TRAPPC9: variants seen among roughly 807,000 people sequenced by gnomAD.
The protein encoded by TRAPPC9 is trafficking protein particle complex subunit 9.
TRAPPC9 carries 83 observed loss-of-function variants against 124.0 expected under a neutral mutation model. The ratio of observed to expected loss-of-function variants is 0.67; its 90% CI spans 0.56 to 0.80. The LOEUF (loss-of-function observed/expected upper bound fraction) is 0.80. Among genes scored for constraint, TRAPPC9 ranks in the 30% least tolerant of loss-of-function variants. TRAPPC9 has a pLI of 0.00. For missense variants in TRAPPC9, 1,302 were observed against 1,508.3 expected, an observed-to-expected ratio of 0.86 and a Z score of 2.27; for synonymous variants, 638 against 617.5, an observed-to-expected ratio of 1.03 and a Z score of -0.49.
chr8:140,338,428 C>T (rs183591381), intron 9 of TRAPPC9, among the ~76,000 whole-genome samples: 3 of 152,322 alleles, frequency 2.0e-5, no homozygotes, highest in East Asian at 3.9e-4. Flanking sequence ...TAGCGACCAG[C>T]GTCCCTTAGG....
intron 15 of TRAPPC9, among the ~76,000 whole-genome samples, chr8:140,270,209 G>A (rs537912877): frequency 2.0e-4 from 31 of 152,288 alleles, no homozygotes; most frequent in African/African-American, 5.5e-4. Context: ...AGGCCTCTCC[G>A]GGAAGGGGGC....
intron 17 of TRAPPC9, among the ~76,000 whole-genome samples, chr8:140,047,052 G>T (rs1476233039): frequency 1.3e-5 from 2 of 152,214 alleles, no homozygotes; most frequent in East Asian, 3.9e-4. Flanking sequence ...AGCTGTCTGT[G>T]AGGTGTCCTG....
At chr8:140,195,046 T>C (rs534260462) in intron 17 of TRAPPC9, among the ~76,000 whole-genome samples, 6 of 151,324 alleles carry the variant, frequency 4.0e-5, no homozygotes, top group Non-Finnish European at 8.8e-5. Flanking sequence ...AATGATCCAC[T>C]GTACAGATCA....
intron 21 of TRAPPC9, among the ~76,000 whole-genome samples, chr8:139,883,252 C>T (rs1224556265): frequency 1.3e-5 from 2 of 152,256 alleles, no homozygotes; most frequent in Non-Finnish European, 2.9e-5. Context: ...GAGTCCCCAG[C>T]AGCAAGAGGG....
chr8:139,864,626 A>C (rs1828402325), intron 21 of TRAPPC9, among the ~76,000 whole-genome samples: 1 of 152,158 alleles, frequency 6.6e-6, no homozygotes, highest in African/African-American at 2.4e-5. Flanking sequence ...TGACAGTAGC[A>C]TACCTGCTCC....
intron 21 of TRAPPC9, among the ~76,000 whole-genome samples, chr8:139,754,601 A>G (rs1217262199): frequency 6.6e-6 from 1 of 152,218 alleles, no homozygotes; most frequent in African/African-American, 2.4e-5. Flanking sequence ...GGTAACAACA[A>G]GAAGCCATCC....
chr8:140,435,041 A>C, intron 4 of TRAPPC9, 71 bp downstream of exon 4: 1 of 1,610,534 alleles, frequency 6.2e-7, no homozygotes, highest in East Asian at 2.2e-5. Flanking sequence ...CTCAAAGGAA[A>C]AAGTAACAAA....
intron 21 of TRAPPC9, among the ~76,000 whole-genome samples, chr8:139,801,324 C>T (rs1234241297): frequency 1.3e-5 from 2 of 152,238 alleles, no homozygotes; most frequent in African/African-American, 4.8e-5. Context: ...TTGGGCCACA[C>T]ACCCCAGCAT....
At chr8:140,272,393 G>A (rs2064969880) in intron 15 of TRAPPC9, among the ~76,000 whole-genome samples, 2 of 144,298 alleles carry the variant, frequency 1.4e-5, no homozygotes, top group African/African-American at 5.3e-5. Context: ...GATGGTGATG[G>A]TGGCGATGGT....
chr8:140,011,461 C>G (rs1246020971), intron 18 of TRAPPC9, among the ~76,000 whole-genome samples: 4 of 150,280 alleles, frequency 2.7e-5, no homozygotes, highest in Admixed American at 2.7e-4. Context: ...GATATTGCAA[C>G]AGATACTCGT....
intron 17 of TRAPPC9, among the ~76,000 whole-genome samples, chr8:140,073,853 T>C (rs766636184): frequency 3.3e-5 from 5 of 152,202 alleles, no homozygotes; most frequent in Non-Finnish European, 7.3e-5. Context: ...TTACTTTCTA[T>C]ACGTTTAAAA....
At chr8:139,787,609 T>A (rs1270715380) in intron 21 of TRAPPC9, among the ~76,000 whole-genome samples, 2 of 152,232 alleles carry the variant, frequency 1.3e-5, no homozygotes, top group Non-Finnish European at 2.9e-5. Flanking sequence ...GACGCTGATA[T>A]ACACAGAATT....
chr8:140,360,612 A>G lies in TRAPPC9; in HGVS notation c.1352-419T>C, dbSNP rs183130225. ...AATATTTCTCTAAAATATAAGAAAA[A>G]TGAAGAAAAGTAGATAGCTAAATTA... On this transcript the variant is annotated intron_variant, in intron 8 of 22. Coordinates refer to ENST00000438773, the MANE Select transcript of TRAPPC9 (RefSeq NM_001160372.4). 5.5e-4 allele frequency among the ~76,000 whole-genome samples: 83 copies of G among 150,592 alleles called. No homozygotes were observed. In the East Asian group the frequency reaches 0.015, roughly 28 times the overall value.
At chr8:140,324,419 A>G (rs533579517) in intron 9 of TRAPPC9, among the ~76,000 whole-genome samples, 1 of 152,224 alleles carries the variant, frequency 6.6e-6, no homozygotes, top group Non-Finnish European at 1.5e-5. Context: ...GATAGAAATA[A>G]GAACAGAAAG....
chr8:140,236,840 A>T (rs1041566490), intron 16 of TRAPPC9, among the ~76,000 whole-genome samples: 1 of 152,230 alleles, frequency 6.6e-6, no homozygotes, highest in African/African-American at 2.4e-5. Context: ...ATGCAGTCCC[A>T]GTCAATATTC....
chr8:139,872,460 A>C (rs1829004227), intron 21 of TRAPPC9, among the ~76,000 whole-genome samples: 1 of 133,942 alleles, frequency 7.5e-6, no homozygotes, highest in Non-Finnish European at 1.6e-5. Flanking sequence ...AGACGGTTGC[A>C]TAAGTGGATG....
chr8:140,125,134 G>A (rs1046135660), intron 17 of TRAPPC9, among the ~76,000 whole-genome samples: 3 of 152,246 alleles, frequency 2.0e-5, no homozygotes, highest in African/African-American at 7.2e-5. Context: ...AGTAGCAGGA[G>A]CTGGGCCGAT....
At chr8:140,028,110 C>T (rs1840268614) in intron 17 of TRAPPC9, among the ~76,000 whole-genome samples, 2 of 151,960 alleles carry the variant, frequency 1.3e-5, no homozygotes, top group South Asian at 4.2e-4. Context: ...CCTCCTCAGT[C>T]TTTTAAAATT....
chr8:140,087,807 G>A lies in TRAPPC9; in HGVS notation c.2557-63728C>T, dbSNP rs537629378. Among the ~76,000 whole-genome samples, 5 of 152,118 alleles carry A rather than the reference G, an allele frequency of 3.3e-5. No homozygotes were observed. Among genetic ancestry groups the A allele is most frequent in the East Asian group, 3.9e-4 (2 of 5,146 alleles). ...CACAGTGACCATTCTCATGCATGAC[G>A]AGCAACCGCACCATTCCCTGGCTCT... On this transcript the variant is annotated intron_variant, in intron 17 of 22. Transcript: ENST00000438773. This position sits in a 1 kb window ranked among gnomAD's most constrained non-coding sequence, Gnocchi z 4.6.
Sources: allele counts gnomAD v4.1 joint callset (sites outside exome capture counted in the v4.1 genomes callset), GRCh38; gene constraint gnomAD v4.1.1; non-coding constraint Gnocchi (gnomAD v3.1); transcripts MANE v1.5; gene names NCBI Gene and HGNC (gene_info 2026-07-23, HGNC 2026-07-21).